The following PAPOLA variants were observed in gnomAD, a reference collection of about 807,000 sequenced individuals.
PAPOLA encodes the protein polynucleotide adenylyltransferase alpha.
Under a neutral mutation model 100.6 loss-of-function variants are expected in PAPOLA, and 15 were observed. That is an observed-to-expected ratio of 0.15 (90% CI 0.10 to 0.23). The LOEUF (loss-of-function observed/expected upper bound fraction) is 0.23. Among genes scored for constraint, PAPOLA ranks in the 10% least tolerant of loss-of-function variants. The pLI is 1.00. For synonymous variants in PAPOLA, 293 were observed against 300.0 expected (o/e 0.98, Z 0.24); for missense variants, 533 against 884.2 (o/e 0.60, Z 5.04).
chr14:96,547,548 A>C, intron 15 of PAPOLA: 1 of 271,492 alleles, frequency 3.7e-6, no homozygotes, highest in Non-Finnish European at 7.0e-6. Flanking sequence ...TTACTACTTT[A>C]AGAGCTATTT....
intron 12 of PAPOLA, among the ~76,000 whole-genome samples, chr14:96,540,788 C>G (rs1452606478): frequency 6.6e-6 from 1 of 152,166 alleles, no homozygotes; most frequent in Non-Finnish European, 1.5e-5. Flanking sequence ...TTTACAATAC[C>G]TCTGCCAGTA....
intron 5 of PAPOLA, 45 bp from the exon 6 acceptor site, chr14:96,527,908 A>T: frequency 7.3e-7 from 1 of 1,370,992 alleles, no homozygotes; most frequent in Non-Finnish European, 1.0e-6. Context: ...GTAGAGGCTT[A>T]AAATGTAGTT....
chr14:96,518,509 C>A (rs903880315), intron 1 of PAPOLA, among the ~76,000 whole-genome samples: 1 of 151,674 alleles, frequency 6.6e-6, no homozygotes, highest in Non-Finnish European at 1.5e-5. Flanking sequence ...CCCAGGTTCA[C>A]GCCATTCTCC....
At position 96,520,193 on chromosome 14, in the gene PAPOLA, T is replaced by C. The variant is rs759200977; in HGVS notation, c.147T>C (p.Phe49=). The C allele has an allele frequency of 3.1e-6, 5 of 1,613,726 alleles. No individual in the cohort carries two copies. The East Asian group carries it at 1.1e-4, about 36-fold the overall frequency. ...TQKLIETLKP[F]GVFEEEEELQ... ...AACTAATTGAGACATTGAAACCCTT[T>C]GGGGTTTTTGAAGAGGAAGAGGAAC... The change falls in exon 2 of 22, where the codon TTT becomes TTC. Residue 49 remains phenylalanine (F), a synonymous_variant. Transcript: ENST00000216277.
At chr14:96,521,215 C>A in intron 3 of PAPOLA, 143 bp downstream of exon 3, 1 of 591,810 alleles carries the variant, frequency 1.7e-6, no homozygotes, top group Non-Finnish European at 3.1e-6. Context: ...ACAGATTTTA[C>A]ATTATTTTTC....
intron 19 of PAPOLA, among the ~76,000 whole-genome samples, chr14:96,557,019 A>G (rs1901396858): frequency 6.6e-6 from 1 of 152,126 alleles, no homozygotes; most frequent in South Asian, 2.1e-4. Flanking sequence ...CTAGACCCAC[A>G]GGTGCATGCC....
At chr14:96,524,368 A>G (rs1465127757) in intron 3 of PAPOLA, among the ~76,000 whole-genome samples, 2 of 152,222 alleles carry the variant, frequency 1.3e-5, no homozygotes, top group Admixed American at 6.5e-5. Context: ...CTGAGTAAGA[A>G]AAGAAAATTT....
chr14:96,560,602 T>C, intron 19 of PAPOLA, 47 bp from the exon 20 acceptor site: 1 of 1,258,746 alleles, frequency 7.9e-7, no homozygotes, highest in Non-Finnish European at 1.2e-6. Context: ...TGGCAAATAA[T>C]CTAAATTTTT....
At chr14:96,525,234 C>G (rs1898360999) in intron 3 of PAPOLA, 76 bp from the exon 4 acceptor site, 2 of 703,020 alleles carry the variant, frequency 2.8e-6, no homozygotes, top group South Asian at 3.5e-5. Context: ...GATCCACTCC[C>G]TCACCCCAGT....
chr14:96,541,650 T>C (rs1352355435), intron 12 of PAPOLA, among the ~76,000 whole-genome samples: 2 of 152,204 alleles, frequency 1.3e-5, no homozygotes, highest in African/African-American at 4.8e-5. Context: ...AAATCAGATT[T>C]CTTTGTTGCT....
rs1183704856 is a variant in PAPOLA, at chr14:96,527,492, T to A, written c.394T>A (p.Ser132Thr). The part of the protein sequence containing the change: ...RHVDRSDFFT[S>T]FYDKLKLQEE... Reference sequence around the variant, plus strand: ...TGTTGATCGAAGTGACTTTTTCACCTCATTCTATGATAAGTTGAAATTACA... The same window carrying A: ...TGTTGATCGAAGTGACTTTTTCACCACATTCTATGATAAGTTGAAATTACA... The change falls in exon 5 of 22, where the codon TCA becomes ACA. Residue 132 changes from serine (S) to threonine (T), a missense_variant. Physicochemically the swap from Ser to Thr is moderately conservative, Grantham distance 58. This residue lies in a region of PAPOLA where 54 missense variants were observed against 133.2 expected (regional missense o/e 0.41). Coordinates refer to ENST00000216277, the MANE Select transcript of PAPOLA (RefSeq NM_032632.5). The A allele has an allele frequency of 6.2e-7, 1 of 1,610,102 alleles. No individual in the cohort carries two copies. Among genetic ancestry groups the A allele is most frequent in the East Asian group, 2.2e-5 (1 of 44,856 alleles).
intron 14 of PAPOLA, among the ~76,000 whole-genome samples, chr14:96,543,429 G>C (rs75792724): frequency 0.046 from 6,970 of 152,076 alleles, 179 homozygotes; most frequent in Non-Finnish European, 0.057. Context: ...TATGAGACTA[G>C]ACTCTATACT....
At chr14:96,557,492 T>A (rs1387272294) in intron 19 of PAPOLA, among the ~76,000 whole-genome samples, 2 of 152,084 alleles carry the variant, frequency 1.3e-5, no homozygotes, top group African/African-American at 4.8e-5. Flanking sequence ...CTCGAGTCAC[T>A]TTCATGTTGT....
chr14:96,560,877 G>T (rs1901786710), intron 20 of PAPOLA, among the ~76,000 whole-genome samples, 166 bp downstream of exon 20: 1 of 152,080 alleles, frequency 6.6e-6, no homozygotes, highest in South Asian at 2.1e-4. Flanking sequence ...ATATTGTGAT[G>T]AGTGAAACAC....
intron 2 of PAPOLA, among the ~76,000 whole-genome samples, chr14:96,520,756 G>T (rs1014213606): frequency 7.3e-5 from 11 of 151,058 alleles, no homozygotes; most frequent in African/African-American, 2.7e-4. Context: ...TATGCTTTTG[G>T]TTATTATAGT....
At chr14:96,507,280 G>GTTTTTTTTTTTTTTTTTTTTTTTTTTT (rs71103533) in intron 1 of PAPOLA, among the ~76,000 whole-genome samples, 1 of 80,720 alleles carries the variant, frequency 1.2e-5, no homozygotes, top group African/African-American at 5.7e-5. Context: ...TTGGAAAATA[G>GTTTTTTTTTTTTTTTTTTTTTTTTTTT]TTTTTTTTTT....
At chr14:96,519,940 A>C in intron 1 of PAPOLA, 115 bp from the exon 2 acceptor site, 1 of 846,886 alleles carries the variant, frequency 1.2e-6, no homozygotes, top group Non-Finnish European at 1.8e-6. Flanking sequence ...GGGGTATTGC[A>C]GGGAACCAAT....
intron 12 of PAPOLA, among the ~76,000 whole-genome samples, chr14:96,541,644 C>G (rs1900000607): frequency 6.6e-6 from 1 of 151,884 alleles, no homozygotes; most frequent in Non-Finnish European, 1.5e-5. Context: ...GGATAAAAAT[C>G]AGATTTCTTT....
chr14:96,565,093 C>T lies in PAPOLA; in HGVS notation c.*43C>T. The T allele has an allele frequency of 1.0e-6, 1 of 960,850 alleles. No homozygotes were observed. Among genetic ancestry groups the T allele is most frequent in the Non-Finnish European group, 1.7e-6 (1 of 584,666 alleles). 59.5% of individuals were successfully genotyped at this position (960,850 alleles called of 1,614,324 possible). ...CATAAACAATATCTGCCAACTCAAC[C>T]TGTTGTCTTCAAATGCTAAAAAAGG... On this transcript the variant is annotated 3_prime_UTR_variant, in exon 22 of 22. Transcript: ENST00000216277.
Sources: allele counts gnomAD v4.1 joint callset (sites outside exome capture counted in the v4.1 genomes callset), GRCh38; gene constraint gnomAD v4.1.1; regional missense constraint gnomAD v4.1.1; transcripts MANE v1.5; gene names NCBI Gene and HGNC (gene_info 2026-07-23, HGNC 2026-07-21).